Variants in ADAM23 observed in about 807,000 individuals in gnomAD.
ADAM23 encodes the protein ADAM metallopeptidase domain 23, also known as disintegrin and metalloproteinase domain-containing protein 23.
Under a neutral mutation model 120.1 loss-of-function variants are expected in ADAM23, and 33 were observed. The ratio of observed to expected loss-of-function variants is 0.27; its 90% confidence interval spans 0.21 to 0.37. The LOEUF (loss-of-function observed/expected upper bound fraction) is 0.37. Among genes scored for constraint, ADAM23 ranks in the 10% least tolerant of loss-of-function variants. ADAM23 has a pLI of 1.00. For missense variants in ADAM23, 862 were observed against 1,058.2 expected, an observed-to-expected ratio of 0.81 and a Z score of 2.57; for synonymous variants, 367 against 375.2, an observed-to-expected ratio of 0.98 and a Z score of 0.25.
intron 18 of ADAM23, among the ~76,000 whole-genome samples, chr2:206,582,738 G>T (rs1698242953): frequency 6.6e-6 from 1 of 152,148 alleles, no homozygotes; most frequent in Admixed American, 6.5e-5. Context: ...AGCAGTTCTT[G>T]TAGTGGTGGT....
Position 206,619,855 on chromosome 2 carries a change from G to A in ADAM23, c.*2228G>A, listed in dbSNP as rs1372723433. On this transcript the variant is annotated 3_prime_UTR_variant, in exon 26 of 26. Transcript: ENST00000264377. Reference sequence around the variant, plus strand: ...AGGCGGGCTTTCTCTAGGACTAGGTGTACGTTTATTTTGTAATAACAGGGC... The same window carrying A: ...AGGCGGGCTTTCTCTAGGACTAGGTATACGTTTATTTTGTAATAACAGGGC... The A allele has an allele frequency of 1.3e-5, 2 of 152,188 alleles. No homozygotes were observed. Among genetic ancestry groups the A allele is most frequent in the African/African-American group, 4.8e-5 (2 of 41,442 alleles). The allele number at this position is 152,188 out of a possible 1,614,324, so 9.4% of individuals were successfully genotyped here.
Position 206,620,812 on chromosome 2 carries a change from T to C in ADAM23, c.*3185T>C, listed in dbSNP as rs1699040844. 6.6e-6 allele frequency: 1 copy of C among 151,974 alleles called. No homozygotes were observed. The highest frequency in any genetic ancestry group is 2.1e-4 in the South Asian group (1 of 4,810). The allele number at this position is 151,974 out of a possible 1,614,324, so 9.4% of individuals were successfully genotyped here. The stretch of plus-strand genomic sequence containing the variant: ...CATAGAGCAGTGGAGTTTTACCAAG[T>C]GGTGTGTGTGGTTTTTGTTTTTTAC... On this transcript the variant is annotated 3_prime_UTR_variant, in exon 26 of 26. Coordinates refer to ENST00000264377, the MANE Select transcript of ADAM23 (RefSeq NM_003812.4).
chr2:206,520,279 A>G (rs1696816404), intron 3 of ADAM23, among the ~76,000 whole-genome samples: 1 of 152,150 alleles, frequency 6.6e-6, no homozygotes, highest in Admixed American at 6.6e-5. Context: ...TGCAGGAGAA[A>G]TCAAGAGTTG....
intron 8 of ADAM23, among the ~76,000 whole-genome samples, chr2:206,548,813 C>T (rs959986549): frequency 1.3e-5 from 2 of 152,114 alleles, no homozygotes; most frequent in African/African-American, 2.4e-5. Context: ...AACTCTGTTA[C>T]ACCAAACTTT....
intron 3 of ADAM23, among the ~76,000 whole-genome samples, chr2:206,503,171 A>G (rs1696426429): frequency 6.6e-6 from 1 of 152,130 alleles, no homozygotes; most frequent in Non-Finnish European, 1.5e-5. Context: ...CGTCCTCCAG[A>G]AGGGCTGCAC....
chr2:206,550,902 C>T lies in ADAM23; in HGVS notation c.933+742C>T, dbSNP rs551801225. On this transcript the variant is annotated intron_variant, in intron 9 of 25. Coordinates refer to ENST00000264377, the MANE Select transcript of ADAM23 (RefSeq NM_003812.4). ...AGGCGTGAGCCACCGCGCCCGGCGA[C>T]TTATCGTCTTTAAATATTGGAAAGA... Among the ~76,000 whole-genome samples, 8 of 152,258 alleles carry T rather than the reference C, an allele frequency of 5.3e-5. No individual in the cohort carries two copies. In the South Asian group the frequency reaches 1.0e-3, roughly 20 times the overall value.
intron 2 of ADAM23, among the ~76,000 whole-genome samples, chr2:206,480,712 A>T (rs1469118060): frequency 6.6e-6 from 1 of 152,154 alleles, no homozygotes; most frequent in Non-Finnish European, 1.5e-5. Context: ...AGTATTCACA[A>T]AAGGCCAGGT....
chr2:206,587,446 A>G (rs1026077718), intron 19 of ADAM23, 71 bp downstream of exon 19: 30 of 1,172,540 alleles, frequency 2.6e-5, no homozygotes, highest in Admixed American at 8.5e-5. Flanking sequence ...TCCTTTTTTG[A>G]TAAATATTAA....
At chr2:206,575,061 G>A (rs914557327) in intron 18 of ADAM23, among the ~76,000 whole-genome samples, 1 of 152,132 alleles carries the variant, frequency 6.6e-6, no homozygotes, top group Non-Finnish European at 1.5e-5. Flanking sequence ...AGTGGAAAGA[G>A]TATAGGGTAG....
At chr2:206,475,098 A>G (rs1175574466) in intron 2 of ADAM23, among the ~76,000 whole-genome samples, 1 of 152,170 alleles carries the variant, frequency 6.6e-6, no homozygotes, top group Non-Finnish European at 1.5e-5. Flanking sequence ...TGCCCTTTAA[A>G]AAAGTTTCTT....
intron 3 of ADAM23, among the ~76,000 whole-genome samples, chr2:206,505,647 G>A (rs956246835): frequency 1.3e-5 from 2 of 152,162 alleles, no homozygotes; most frequent in African/African-American, 4.8e-5. Flanking sequence ...CACGAAAACA[G>A]CACTAAAGAG....
chr2:206,506,252 G>A (rs1326810973), intron 3 of ADAM23, among the ~76,000 whole-genome samples: 2 of 152,128 alleles, frequency 1.3e-5, no homozygotes, highest in Admixed American at 6.5e-5. Flanking sequence ...CTTTCTACAC[G>A]GTTATTCTTT....
intron 18 of ADAM23, among the ~76,000 whole-genome samples, chr2:206,585,724 TC>T (rs1479955082): frequency 6.6e-6 from 1 of 151,958 alleles, no homozygotes; most frequent in Non-Finnish European, 1.5e-5. Flanking sequence ...AAACATAGAA[TC>T]CTGCTTGCAT....
chr2:206,497,681 G>A (rs909923364), intron 3 of ADAM23, among the ~76,000 whole-genome samples: 4 of 152,088 alleles, frequency 2.6e-5, no homozygotes, highest in African/African-American at 7.2e-5. Context: ...GGGAATAAAG[G>A]GCATTCAATT....
chr2:206,484,198 T>C (rs979982529), intron 3 of ADAM23, among the ~76,000 whole-genome samples: 1 of 152,130 alleles, frequency 6.6e-6, no homozygotes, highest in Non-Finnish European at 1.5e-5. Flanking sequence ...GGAGATTGAC[T>C]TGCAGGTGAG....
intron 2 of ADAM23, among the ~76,000 whole-genome samples, chr2:206,456,481 C>T (rs1345268060): frequency 6.6e-6 from 1 of 152,148 alleles, no homozygotes; most frequent in East Asian, 1.9e-4. Context: ...GGAAATCCGT[C>T]CCCATGATCC....
At position 206,445,469 on chromosome 2, in the gene ADAM23, A is replaced by G; in HGVS notation, c.377A>G (p.Glu126Gly). The G allele has an allele frequency of 1.9e-6, 3 of 1,614,196 alleles. No homozygotes were observed. Among genetic ancestry groups the G allele is most frequent in the Non-Finnish European group, 2.5e-6 (3 of 1,180,024 alleles). ...RLIYYINQDSESPYHVLDTKA... is the reference protein window; with the variant it reads ...RLIYYINQDSGSPYHVLDTKA... Reference sequence around the variant, plus strand: ...ATATATTACATCAACCAAGACTCGGAAAGCCCTTATCACGTTCTTGACACA... The same window carrying G: ...ATATATTACATCAACCAAGACTCGGGAAGCCCTTATCACGTTCTTGACACA... Residue 126 changes from glutamate (E) to glycine (G), a missense_variant, in exon 2 of 26, where the codon GAA becomes GGA. Physicochemically the swap from Glu to Gly is moderately conservative, Grantham distance 98. Around this residue, in one of 4 missense-constraint regions of ADAM23, gnomAD observed 225 missense variants for 204.0 expected, o/e 1.10. Transcript: ENST00000264377.
intron 3 of ADAM23, among the ~76,000 whole-genome samples, chr2:206,506,443 A>G (rs534049610): frequency 6.6e-6 from 1 of 152,334 alleles, no homozygotes; most frequent in African/African-American, 2.4e-5. Flanking sequence ...TTTGCTCTCA[A>G]GGTTCACCAA....
chr2:206,580,475 C>G (rs1698201436), intron 18 of ADAM23, among the ~76,000 whole-genome samples: 1 of 152,100 alleles, frequency 6.6e-6, no homozygotes, highest in Non-Finnish European at 1.5e-5. Context: ...TTGAGATGAT[C>G]ATGTGATTTT....
Sources: allele counts gnomAD v4.1 joint callset (sites outside exome capture counted in the v4.1 genomes callset), GRCh38; gene constraint gnomAD v4.1.1; regional missense constraint gnomAD v4.1.1; transcripts MANE v1.5; gene names NCBI Gene and HGNC (gene_info 2026-07-23, HGNC 2026-07-21).